Variants in BPTF observed in about 807,000 individuals in gnomAD.
BPTF encodes nucleosome-remodeling factor subunit BPTF.
In BPTF, 18 loss-of-function variants were observed where a neutral mutation model predicts 292.5. The ratio of observed to expected loss-of-function variants is 0.06; its 90% CI spans 0.04 to 0.09. The LOEUF is 0.09. Among genes scored for constraint, BPTF ranks in the 10% least tolerant of loss-of-function variants. BPTF has a pLI of 1.00. For synonymous variants in BPTF, 1,225 were observed against 1,251.9 expected, an observed-to-expected ratio of 0.98 and a Z score of 0.45; for missense variants, 2,726 against 3,498.7, an observed-to-expected ratio of 0.78 and a Z score of 5.57.
intron 1 of BPTF, among the ~76,000 whole-genome samples, chr17:67,841,378 C>T (rs2057543953): frequency 6.6e-6 from 1 of 152,008 alleles, no homozygotes; most frequent in Non-Finnish European, 1.5e-5. Flanking sequence ...CATTGCACTC[C>T]AGCCTAGGCA....
chr17:67,976,970 C>T (rs8064784), intron 27 of BPTF, among the ~76,000 whole-genome samples: 137,331 of 152,106 alleles, frequency 0.9, 63,629 homozygotes, highest in East Asian at 1. Context: ...TATAAAATTT[C>T]CAAATGCTAA....
chr17:67,929,501 C>T lies in BPTF; in HGVS notation c.6150+14C>T. 1 of 1,613,040 alleles carries T rather than the reference C, an allele frequency of 6.2e-7. No individual in the cohort carries two copies. The highest frequency in any genetic ancestry group is 1.7e-5 in the Admixed American group (1 of 59,884). ...AGCAATTCACAAGTAAGAATTCTTA[C>T]AGACTTATTTGGTTTGATGTGTTGA... On this transcript the variant is annotated intron_variant, in intron 17 of 27. Transcript: ENST00000306378.
rs781900920 is a variant in BPTF at position 67,944,381 on chromosome 17, G to A, written c.6700+9G>A. Reference sequence around the variant, plus strand: ...TTCCACGACAGCAGCAGGTAGAGCTGTGGGTTTATCGGAAATGTCGGATGT... The same window carrying A: ...TTCCACGACAGCAGCAGGTAGAGCTATGGGTTTATCGGAAATGTCGGATGT... On this transcript the variant is annotated intron_variant, in intron 20 of 27. Coordinates refer to ENST00000306378, the MANE Select transcript of BPTF (RefSeq NM_182641.4). The A allele has an allele frequency of 3.7e-6, 6 of 1,610,984 alleles. No individual in the cohort carries two copies. The South Asian group carries it at 6.6e-5, about 18-fold the overall frequency.
intron 2 of BPTF, among the ~76,000 whole-genome samples, chr17:67,863,827 A>T (rs2059231147): frequency 6.6e-6 from 1 of 152,376 alleles, no homozygotes; most frequent in South Asian, 2.1e-4. Flanking sequence ...GGGTTTGTTT[A>T]GAAACGAAAG....
chr17:67,912,506 T>G lies in BPTF; in HGVS notation c.4622T>G (p.Val1541Gly). ...VEDMEIETSE[V>G]KKVTSSPITS... is the part of the protein sequence containing the mutation. The stretch of plus-strand genomic sequence containing the variant: ...GATATGGAAATAGAAACCTCAGAAG[T>G]TAAGAAAGTTACTTCATCACCTATT... Residue 1541 changes from valine to glycine, a missense_variant, in exon 11 of 28, where the codon GTT becomes GGT. Transcript: ENST00000306378. 6.2e-7 allele frequency: 1 copy of G among 1,613,850 alleles called. No homozygotes were observed. Among genetic ancestry groups the G allele is most frequent in the South Asian group, 1.1e-5 (1 of 91,014 alleles).
intron 17 of BPTF, among the ~76,000 whole-genome samples, chr17:67,930,979 T>G (rs1305314579): frequency 6.6e-6 from 1 of 151,390 alleles, no homozygotes; most frequent in Admixed American, 6.6e-5. Context: ...GTTCAAAGAT[T>G]AGCTGGGCCG....
intron 1 of BPTF, among the ~76,000 whole-genome samples, chr17:67,851,997 G>C (rs537222179): frequency 7.0e-6 from 1 of 142,030 alleles, no homozygotes; most frequent in African/African-American, 2.5e-5. Flanking sequence ...AATTGATAAT[G>C]AGTGTAATGC....
intron 4 of BPTF, among the ~76,000 whole-genome samples, chr17:67,876,814 A>G (rs1267257927): frequency 1.6e-5 from 2 of 127,288 alleles, no homozygotes; most frequent in Non-Finnish European, 3.1e-5. Context: ...TTAAAAAAGT[A>G]AAAAAAGAGA....
Position 67,911,922 on chromosome 17 carries a change from G to A in BPTF, c.4038G>A (p.Glu1346=), listed in dbSNP as rs150091415. ...LVSGESTGNC[E]DRLPVKGTEA... is the part of the protein sequence containing the mutation. ...CTGGTGAGTCCACTGGAAACTGTGA[G>A]GACAGGCTGCCGGTCAAGGGGACTG... Residue 1346 remains glutamate, a synonymous_variant, in exon 11 of 28, where the codon GAG becomes GAA. Transcript: ENST00000306378. The A allele has an allele frequency of 2.5e-6, 4 of 1,613,942 alleles. No homozygotes were observed. Among genetic ancestry groups the A allele is most frequent in the African/African-American group, 2.7e-5 (2 of 74,908 alleles).
chr17:67,870,911 A>G (rs559140253), intron 3 of BPTF, among the ~76,000 whole-genome samples: 1,538 of 149,644 alleles, frequency 0.01, 10 homozygotes, highest in Non-Finnish European at 0.015. Flanking sequence ...CTGGGACTAC[A>G]GGCGCCCGCC....
At chr17:67,832,797 T>C (rs2056815176) in intron 1 of BPTF, among the ~76,000 whole-genome samples, 1 of 143,830 alleles carries the variant, frequency 7.0e-6, no homozygotes, top group Non-Finnish European at 1.5e-5. Flanking sequence ...TTTTTTTTTT[T>C]TTTTTTTTGA....
chr17:67,918,893 C>T, intron 12 of BPTF, 55 bp downstream of exon 12: 3 of 1,582,438 alleles, frequency 1.9e-6, no homozygotes, highest in Non-Finnish European at 2.6e-6. Context: ...AAATCACAGG[C>T]CAGGCGTGGG....
At chr17:67,880,409 C>T (rs1210394088) in intron 4 of BPTF, among the ~76,000 whole-genome samples, 4 of 152,100 alleles carry the variant, frequency 2.6e-5, no homozygotes, top group African/African-American at 9.7e-5. Context: ...ATGACGTCTA[C>T]TATCAAGGCT....
chr17:67,889,113 G>T (rs1157261668), intron 4 of BPTF, among the ~76,000 whole-genome samples: 2 of 152,166 alleles, frequency 1.3e-5, no homozygotes, highest in Non-Finnish European at 2.9e-5. Context: ...ACAGTGAGCT[G>T]CAGAGGCTGA....
intron 5 of BPTF, among the ~76,000 whole-genome samples, chr17:67,893,050 A>T (rs989804134): frequency 2.6e-5 from 4 of 152,200 alleles, no homozygotes; most frequent in Non-Finnish European, 5.9e-5. Context: ...CTTGAAAAAA[A>T]TGATAGGTGA....
At chr17:67,850,162 G>T (rs1482991587) in intron 1 of BPTF, among the ~76,000 whole-genome samples, 1 of 152,028 alleles carries the variant, frequency 6.6e-6, no homozygotes, top group Non-Finnish European at 1.5e-5. Context: ...ACTAATTCTT[G>T]TAATAAATGT....
rs1368063224 is a variant in BPTF at position 67,826,087 on chromosome 17, C to T, written c.363C>T (p.Val121=). The T allele has an allele frequency of 1.5e-6, 2 of 1,327,762 alleles. No individual in the cohort carries two copies. Among genetic ancestry groups the T allele is most frequent in the Non-Finnish European group, 2.1e-6 (2 of 963,648 alleles). The allele number at this position is 1,327,762 out of a possible 1,614,324, so 82.2% of individuals were successfully genotyped here. The part of the protein sequence containing the change: ...LARTTAARRA[V]NKVVYDDHES... ...GGACCACCGCGGCCCGGAGGGCCGT[C>T]AACAAAGTGGTGTACGATGACCACG... is the stretch of plus-strand genomic sequence containing the variant. The change falls in exon 1 of 28, where the codon GTC becomes GTT. Residue 121 remains valine (V), a synonymous_variant. Coordinates refer to ENST00000306378, the MANE Select transcript of BPTF (RefSeq NM_182641.4).
intron 1 of BPTF, among the ~76,000 whole-genome samples, chr17:67,841,298 A>G (rs1184539448): frequency 6.6e-6 from 1 of 151,936 alleles, no homozygotes; most frequent in Admixed American, 6.6e-5. Context: ...AATCCCAGCT[A>G]CTCGGGAGGC....
chr17:67,931,302 A>AAATG (rs974697240), intron 17 of BPTF, among the ~76,000 whole-genome samples: 11 of 151,798 alleles, frequency 7.2e-5, no homozygotes, highest in East Asian at 1.9e-4. Flanking sequence ...CTAAATAAGT[A>AAATG]AATGAATGAA....
Sources: allele counts gnomAD v4.1 joint callset (sites outside exome capture counted in the v4.1 genomes callset), GRCh38; gene constraint gnomAD v4.1.1; transcripts MANE v1.5; gene names NCBI Gene and HGNC (gene_info 2026-07-23, HGNC 2026-07-21).